Variants in NRK observed in about 807,000 individuals in gnomAD.
The protein encoded by NRK is Nik related kinase.
A neutral mutation model predicts 125.2 loss-of-function variants in NRK; 67 were observed. That is an observed-to-expected ratio of 0.54 (90% CI 0.44 to 0.66). NRK has a LOEUF of 0.66. NRK is among the 30% of genes least tolerant of loss of function. NRK has a pLI of 0.00. For missense variants in NRK, 1,224 were observed against 1,192.9 expected (o/e 1.03, Z -0.38); for synonymous variants, 458 against 429.0 (o/e 1.07, Z -0.84).
At chrX:105,827,318 C>G (rs1222527009) in intron 1 of NRK, among the ~76,000 whole-genome samples, 2 of 112,143 alleles carry the variant, frequency 1.8e-5, no homozygotes, top group Non-Finnish European at 3.8e-5. Context: ...TGTGCAGTCT[C>G]CTTCTTTTTG....
chrX:105,853,158 A>G (rs1411841222), intron 2 of NRK, among the ~76,000 whole-genome samples: 1 of 111,630 alleles, frequency 9.0e-6, no homozygotes, highest in Non-Finnish European at 1.9e-5. Context: ...GTGGTTCTCA[A>G]AGTTTGGCCT....
In NRK at chrX:105,909,574, A is replaced by G. The variant is rs762988345; in HGVS notation, c.1933A>G (p.Arg645Gly). ...SVQALIEGLSRDLLRAPNSNN... is the reference protein window; with the variant it reads ...SVQALIEGLSGDLLRAPNSNN... ...TCAAGCACTGATAGAGGGACTATCA[A>G]GAGACTTGCTTCGGGCACCAAACTC... Residue 645 changes from arginine (R) to glycine (G), a missense_variant, in exon 13 of 29, where the codon AGA becomes GGA. Arg to Gly is a moderately radical substitution (Grantham distance 125, BLOSUM62 -2). Coordinates refer to ENST00000243300, the MANE Select transcript of NRK (RefSeq NM_198465.4). 22 of 1,205,537 alleles carry G rather than the reference A, an allele frequency of 1.8e-5. No individual in the cohort carries two copies. The East Asian group carries it at 5.7e-4, about 31-fold the overall frequency.
intron 10 of NRK, 120 bp downstream of exon 10, chrX:105,905,463 A>T (rs2040208425): frequency 1.9e-6 from 1 of 539,884 alleles, no homozygotes; most frequent in East Asian, 3.6e-5. Flanking sequence ...TATTTCCTAA[A>T]GTCTAATATC....
intron 21 of NRK, 96 bp downstream of exon 21, chrX:105,935,421 T>C: frequency 1.8e-6 from 1 of 553,262 alleles, no homozygotes; most frequent in Non-Finnish European, 2.8e-6. Flanking sequence ...ACCAAGTCAT[T>C]ACAATAAAAA....
chrX:105,881,431 A>G (rs1176251210), intron 3 of NRK, among the ~76,000 whole-genome samples: 1 of 112,032 alleles, frequency 8.9e-6, no homozygotes, highest in Non-Finnish European at 1.9e-5. Context: ...TTTAGTGTCA[A>G]TTAACTGGTT....
intron 22 of NRK, among the ~76,000 whole-genome samples, chrX:105,938,768 C>G (rs1019209700): frequency 9.0e-6 from 1 of 111,649 alleles, no homozygotes; most frequent in Non-Finnish European, 1.9e-5. Context: ...TTAGTCCATT[C>G]TCATGCTGCT....
chrX:105,937,672 C>A, intron 22 of NRK, 90 bp downstream of exon 22: 1 of 559,996 alleles, frequency 1.8e-6, no homozygotes, highest in Non-Finnish European at 2.7e-6. Context: ...TAAAGTGTTC[C>A]TAGAAGAGCA....
intron 3 of NRK, 41 bp from the exon 4 acceptor site, chrX:105,881,667 G>A (rs763036702): frequency 3.9e-6 from 3 of 768,057 alleles, no homozygotes; most frequent in Non-Finnish European, 1.9e-6. Context: ...CATTTTTAGA[G>A]TGTACCAGTA....
chrX:105,930,217 C>T (rs1219795927), intron 19 of NRK, among the ~76,000 whole-genome samples: 1 of 111,372 alleles, frequency 9.0e-6, no homozygotes, highest in African/African-American at 3.3e-5. Flanking sequence ...AAAATACATC[C>T]TCTTAATGTT....
rs367709538 is a variant in NRK at position 105,895,758 on chromosome X, G to C, written c.580+235G>C. On this transcript the variant is annotated intron_variant, in intron 7 of 28. Coordinates refer to ENST00000243300, the MANE Select transcript of NRK (RefSeq NM_198465.4). The stretch of plus-strand genomic sequence containing the variant: ...AAATCATGTAGATAAAACAACTTTT[G>C]AATTATAATGGGGATTTACTTTTTG... Among the ~76,000 whole-genome samples the C allele has an allele frequency of 3.6e-5, 4 of 111,269 alleles. No homozygotes were observed. The East Asian group carries it at 8.5e-4, about 24-fold the overall frequency.
intron 27 of NRK, among the ~76,000 whole-genome samples, chrX:105,952,134 T>C (rs2040907417): frequency 8.9e-6 from 1 of 112,398 alleles, no homozygotes; most frequent in Admixed American, 9.5e-5. Flanking sequence ...AAGTAATTAA[T>C]TGAATTCTGA....
At chrX:105,928,137 G>C (rs1277136615) in intron 19 of NRK, among the ~76,000 whole-genome samples, 1 of 110,918 alleles carries the variant, frequency 9.0e-6, no homozygotes, top group African/African-American at 3.3e-5. Context: ...TTCTTTGTTG[G>C]GAGACTTTTT....
chrX:105,898,904 A>G (rs1286523030), intron 8 of NRK, among the ~76,000 whole-genome samples, 190 bp downstream of exon 8: 1 of 112,272 alleles, frequency 8.9e-6, no homozygotes, highest in Non-Finnish European at 1.9e-5. Context: ...TTTTCTGAGA[A>G]TGTGGACAAA....
chrX:105,952,457 TTAA>T (rs1206358438), intron 27 of NRK, among the ~76,000 whole-genome samples: 1 of 112,392 alleles, frequency 8.9e-6, no homozygotes, highest in Admixed American at 9.5e-5. Context: ...AGTTAAAATC[TTAA>T]TAAATATTTC....
Position 105,909,859 on chromosome X carries a change from G to A in NRK, c.2218G>A (p.Glu740Lys), listed in dbSNP as rs893329656. 6 of 1,139,968 alleles carry A rather than the reference G, an allele frequency of 5.3e-6. No homozygotes were observed. The East Asian group carries it at 1.3e-4, about 24-fold the overall frequency. The allele number at this position is 1,139,968 out of a possible 1,213,427, so 93.9% of individuals were successfully genotyped here. ...RWEDIFNQHEEELRQVDKDKE... is the reference protein window; with the variant it reads ...RWEDIFNQHEKELRQVDKDKE... ...GGAAGATATCTTTAATCAGCATGAG[G>A]AAGAATTGAGACAAGTTGATAAAGT... Residue 740 changes from glutamate (E) to lysine (K), a missense_variant, in exon 13 of 29, where the codon GAA becomes AAA. Physicochemically the swap from Glu to Lys is moderately conservative, Grantham distance 56. Coordinates refer to ENST00000243300, the MANE Select transcript of NRK (RefSeq NM_198465.4).
intron 16 of NRK, among the ~76,000 whole-genome samples, chrX:105,919,305 C>T (rs2040408347): frequency 9.0e-6 from 1 of 110,788 alleles, no homozygotes; most frequent in South Asian, 3.8e-4. Flanking sequence ...TAAATATTCT[C>T]ACCAGATTTT....
In NRK at chrX:105,909,825, A is replaced by C; in HGVS notation, c.2184A>C (p.Gln728His). 2.6e-6 allele frequency: 3 copies of C among 1,171,030 alleles called. No homozygotes were observed. The highest frequency in any genetic ancestry group is 3.4e-6 in the Non-Finnish European group (3 of 870,597). Residue 728 changes from glutamine (Q) to histidine (H), a missense_variant, in exon 13 of 29, where the codon CAA becomes CAC. Physicochemically the swap from Gln to His is conservative, Grantham distance 24. Transcript: ENST00000243300. Reference protein sequence around the residue: ...SDLEARRQRRQRRWEDIFNQH... With the variant: ...SDLEARRQRRHRRWEDIFNQH... The stretch of plus-strand genomic sequence containing the variant: ...TAGAAGCCCGCAGGCAAAGGCGCCA[A>C]CGCAGATGGGAAGATATCTTTAATC...
chrX:105,880,429 T>C (rs1472866853), intron 3 of NRK, among the ~76,000 whole-genome samples, 174 bp downstream of exon 3: 1 of 111,422 alleles, frequency 9.0e-6, no homozygotes, highest in Admixed American at 9.6e-5. Context: ...TAGTGTATTA[T>C]ATCTATTACT....
intron 17 of NRK, among the ~76,000 whole-genome samples, 158 bp downstream of exon 17, chrX:105,922,219 A>C (rs2040460919): frequency 8.9e-6 from 1 of 112,464 alleles, no homozygotes; most frequent in Non-Finnish European, 1.9e-5. Context: ...AATACATAGA[A>C]CACAAAATCT....
Sources: allele counts gnomAD v4.1 joint callset (sites outside exome capture counted in the v4.1 genomes callset), GRCh38; gene constraint gnomAD v4.1.1; transcripts MANE v1.5; gene names NCBI Gene and HGNC (gene_info 2026-07-23, HGNC 2026-07-21).